GRN: variants seen among roughly 807,000 people sequenced by gnomAD.
The protein encoded by GRN is granulin precursor.
Under a neutral mutation model 66.7 loss-of-function variants are expected in GRN, and 30 were observed. The observed-to-expected ratio is 0.45, with a 90% CI of 0.34 to 0.61. GRN has a LOEUF of 0.61. Ranked by LOEUF, GRN falls within the 20% of genes least tolerant of loss-of-function variation. The pLI, the probability that GRN is intolerant of heterozygous loss-of-function variation, is 0.01. For missense variants in GRN, 731 were observed against 803.5 expected, an observed-to-expected ratio of 0.91 and a Z score of 1.09; for synonymous variants, 327 against 311.1, an observed-to-expected ratio of 1.05 and a Z score of -0.54.
In GRN at chr17:44,352,706, C is replaced by T. The variant is rs200419979; in HGVS notation, c.1690C>T (p.Arg564Cys). ...DRRHCCPAGF[R>C]CAARGTKCLR... is the part of the protein sequence containing the mutation. ...GCGCCACTGCTGTCCTGCTGGCTTC[C>T]GCTGCGCAGCCAGGGGTACCAAGTG... Residue 564 changes from arginine to cysteine, a missense_variant, in exon 13 of 13, where the codon CGC (arginine) becomes TGC (cysteine). Transcript: ENST00000053867. 1.4e-5 allele frequency: 22 copies of T among 1,610,766 alleles called. No individual in the cohort carries two copies. The highest frequency in any genetic ancestry group is 8.9e-5 in the East Asian group (4 of 44,874).
In GRN at chr17:44,351,063, C is replaced by T. The variant is rs1224950272; in HGVS notation, c.735C>T (p.His245=). ...PNATCCSDHL[H]CCPQDTVCDL... ...CCACCTGCTGCTCCGATCACCTGCA[C>T]TGCTGCCCCCAAGACACTGTGTGTG... Residue 245 remains histidine, a synonymous_variant, in exon 8 of 13, where the codon CAC becomes CAT. Coordinates refer to ENST00000053867, the MANE Select transcript of GRN (RefSeq NM_002087.4). 1.9e-6 allele frequency: 3 copies of T among 1,613,910 alleles called. No homozygotes were observed. The highest frequency in any genetic ancestry group is 2.2e-5 in the South Asian group (2 of 91,084).
At chr17:44,349,370 C>T in intron 2 of GRN, 56 bp from the exon 3 acceptor site, 1 of 1,614,036 alleles carries the variant, frequency 6.2e-7, no homozygotes, top group Non-Finnish European at 8.5e-7. Flanking sequence ...CTTGGATTGG[C>T]CAGAGGAGGA....
At chr17:44,349,939 G>C (rs2048356149) in intron 4 of GRN, 188 bp downstream of exon 4, 3 of 642,758 alleles carry the variant, frequency 4.7e-6, no homozygotes, top group Non-Finnish European at 8.4e-6. Flanking sequence ...GCGGGAGAAA[G>C]TGCAAGACTC....
At chr17:44,350,856 C>CA in intron 7 of GRN, 56 bp downstream of exon 7, 1 of 1,460,054 alleles carries the variant, frequency 6.8e-7, no homozygotes, top group Non-Finnish European at 9.6e-7. Context: ...CTGGCCCTGA[C>CA]ACGCACCTTA....
chr17:44,346,146 GCAGA>G (rs963759512), intron 1 of GRN: 2 of 154,022 alleles, frequency 1.3e-5, no homozygotes, highest in African/African-American at 2.4e-5. Flanking sequence ...ACACTCCTGT[GCAGA>G]CAGACTCCCC....
chr17:44,350,426 G>C lies in GRN; in HGVS notation c.463-16G>C. The C allele has an allele frequency of 6.2e-7, 1 of 1,613,808 alleles. No individual in the cohort carries two copies. Among genetic ancestry groups the C allele is most frequent in the Non-Finnish European group, 8.5e-7 (1 of 1,179,930 alleles). Reference sequence around the variant, plus strand: ...GGGCAGGGGGTGAAGACGGAGTCAGGACCATTTTTTCTCAGGCTTCCTGCT... The same window carrying C: ...GGGCAGGGGGTGAAGACGGAGTCAGCACCATTTTTTCTCAGGCTTCCTGCT... On this transcript the variant is annotated splice_polypyrimidine_tract_variant and intron_variant, in intron 5 of 12. Coordinates refer to ENST00000053867, the MANE Select transcript of GRN (RefSeq NM_002087.4).
Position 44,352,524 on chromosome 17 carries a change from T to G in GRN, c.1597T>G (p.Cys533Gly). ...ACACTTCTGCCATGATAACCAGACC[T>G]GCTGCCGAGACAACCGACAGGGCTG... ...EGHFCHDNQT[C>G]CRDNRQGWAC... The change falls in exon 12 of 13, where the codon TGC becomes GGC. Residue 533 changes from cysteine to glycine, a missense_variant. By Grantham distance (159) the Cys-to-Gly change is radical. This residue lies in a region of GRN where 319 missense variants were observed against 347.2 expected (regional missense o/e 0.92). Coordinates refer to ENST00000053867, the MANE Select transcript of GRN (RefSeq NM_002087.4). The G allele has an allele frequency of 6.2e-7, 1 of 1,613,916 alleles. No individual in the cohort carries two copies. The highest frequency in any genetic ancestry group is 8.5e-7 in the Non-Finnish European group (1 of 1,179,996).
Position 44,351,150 on chromosome 17 carries a change from G to A in GRN, c.822G>A (p.Leu274=). 1 of 1,614,142 alleles carries A rather than the reference G, an allele frequency of 6.2e-7. No individual in the cohort carries two copies. The highest frequency in any genetic ancestry group is 8.5e-7 in the Non-Finnish European group (1 of 1,179,998). Residue 274 remains leucine, a synonymous_variant, in exon 8 of 13, where the codon CTG becomes CTA. Coordinates refer to ENST00000053867, the MANE Select transcript of GRN (RefSeq NM_002087.4). ...CTACCACGGACCTCCTCACTAAGCT[G>A]CCTGCGCACACAGGTACCAGAGGCA... The part of the protein sequence containing the change: ...ENATTDLLTK[L]PAHTVGDVKC...
chr17:44,351,896 C>T (rs914146288), intron 10 of GRN, 101 bp downstream of exon 10: 52 of 1,490,538 alleles, frequency 3.5e-5, no homozygotes, highest in Non-Finnish European at 4.1e-5. Context: ...CCAGCTCTGA[C>T]AGATTCGTCC....
chr17:44,349,349 C>A, intron 2 of GRN, 47 bp downstream of exon 2: 1 of 1,614,034 alleles, frequency 6.2e-7, no homozygotes. Context: ...TGGGTTTTCC[C>A]AAAGGGTCAT....
chr17:44,352,666 C>T lies in GRN; in HGVS notation c.1650C>T (p.Val550=), dbSNP rs775108699. The change falls in exon 13 of 13, where the codon GTC becomes GTT. Residue 550 remains valine, a synonymous_variant. Transcript: ENST00000053867. ...GWACCPYRQG[V]CCADRRHCCP... is the part of the protein sequence containing the mutation. ...GCCCCCCTCTGACCATCCAGGGCGT[C>T]TGTTGTGCTGATCGGCGCCACTGCT... The T allele has an allele frequency of 1.9e-6, 3 of 1,610,020 alleles. No homozygotes were observed. The South Asian group carries it at 3.3e-5, about 18-fold the overall frequency.
rs779394553 is a variant in GRN, at chr17:44,352,242, G to T, written c.1407G>T (p.Leu469Phe). The T allele has an allele frequency of 3.1e-6, 5 of 1,609,464 alleles. No homozygotes were observed. The highest frequency in any genetic ancestry group is 4.2e-6 in the Non-Finnish European group (5 of 1,177,860). ...SLGGSWACCQ[L>F]PHAVCCEDRQ... ...GTGGGAGCTGGGCCTGCTGCCAGTT[G>T]CCCCATGTGAGTGCCTCCCTGCCTG... Residue 469 changes from leucine to phenylalanine, a missense_variant, in exon 11 of 13, where the codon TTG (leucine) becomes TTT (phenylalanine). This residue lies in a region of GRN where 319 missense variants were observed against 347.2 expected (regional missense o/e 0.92). Coordinates refer to ENST00000053867, the MANE Select transcript of GRN (RefSeq NM_002087.4).
At position 44,351,042 on chromosome 17, in the gene GRN, C is replaced by G. The variant is rs377103616; in HGVS notation, c.714C>G (p.Thr238=). 1.9e-6 allele frequency: 3 copies of G among 1,613,820 alleles called. No homozygotes were observed. The highest frequency in any genetic ancestry group is 2.2e-5 in the East Asian group (1 of 44,894). The part of the protein sequence containing the change: ...KYGCCPMPNA[T]CCSDHLHCCP... Reference sequence around the variant, plus strand: ...CCACCCCTGTCCCCACTCAGGCCACCTGCTGCTCCGATCACCTGCACTGCT... The same window carrying G: ...CCACCCCTGTCCCCACTCAGGCCACGTGCTGCTCCGATCACCTGCACTGCT... The change falls in exon 8 of 13, where the codon ACC becomes ACG. Residue 238 remains threonine, a synonymous_variant. Coordinates refer to ENST00000053867, the MANE Select transcript of GRN (RefSeq NM_002087.4).
rs771437277 is a variant in GRN at position 44,350,560 on chromosome 17, A to G, written c.581A>G (p.Gln194Arg). 4 of 1,613,926 alleles carry G rather than the reference A, an allele frequency of 2.5e-6. No homozygotes were observed. The South Asian group carries it at 3.3e-5, about 13-fold the overall frequency. ...CCCCTGGCAAAGAAGCTCCCTGCCC[A>G]GAGGACTAACAGGGCAGGTGAGGAG... ...THPLAKKLPA[Q>R]RTNRAVALSS... The change falls in exon 6 of 13, where the codon CAG becomes CGG. Residue 194 changes from glutamine (Q) to arginine (R), a missense_variant. Around this residue, in one of 3 missense-constraint regions of GRN, gnomAD observed 370 missense variants for 379.8 expected, o/e 0.97. Transcript: ENST00000053867.
chr17:44,351,187 CA>C, intron 8 of GRN, 24 bp downstream of exon 8: 1 of 1,614,016 alleles, frequency 6.2e-7, no homozygotes. Flanking sequence ...GGTGCAGATA[CA>C]GGGGTGGGGC....
chr17:44,352,531 G>A lies in GRN; in HGVS notation c.1604G>A (p.Arg535Gln), dbSNP rs753857985. 6.9e-5 allele frequency: 111 copies of A among 1,613,660 alleles called. 1 individual carries two copies. In the Middle Eastern group the frequency reaches 1.2e-3, roughly 17 times the overall value. ...HFCHDNQTCC[R>Q]DNRQGWACCP... Reference sequence around the variant, plus strand: ...TGCCATGATAACCAGACCTGCTGCCGAGACAACCGACAGGGCTGGGCCTGC... The same window carrying A: ...TGCCATGATAACCAGACCTGCTGCCAAGACAACCGACAGGGCTGGGCCTGC... The change falls in exon 12 of 13, where the codon CGA becomes CAA. Residue 535 changes from arginine to glutamine, a missense_variant. Around this residue, in one of 3 missense-constraint regions of GRN, gnomAD observed 319 missense variants for 347.2 expected, o/e 0.92. Transcript: ENST00000053867.
chr17:44,351,283 G>A lies in GRN; in HGVS notation c.836-80G>A, dbSNP rs2048371476. The A allele has an allele frequency of 2.0e-6, 3 of 1,525,378 alleles. No individual in the cohort carries two copies. The African/African-American group carries it at 4.1e-5, about 21-fold the overall frequency. 94.5% of individuals were successfully genotyped at this position (1,525,378 alleles called of 1,614,324 possible). A position where few individuals can be genotyped will look rare whatever the true frequency, so the allele number is the denominator to read the frequency against. ...CCTCCATCTTCAACACCTGGTTCCA[G>A]CTGTGGAGCCGGCAAAGGGTTGATA... On this transcript the variant is annotated intron_variant, in intron 8 of 12. Coordinates refer to ENST00000053867, the MANE Select transcript of GRN (RefSeq NM_002087.4).
Position 44,352,174 on chromosome 17 carries a change from C to T in GRN, c.1339C>T (p.His447Tyr), listed in dbSNP as rs1235463245. 7 of 1,613,666 alleles carry T rather than the reference C, an allele frequency of 4.3e-6. No individual in the cohort carries two copies. The highest frequency in any genetic ancestry group is 5.9e-6 in the Non-Finnish European group (7 of 1,179,984). Reference protein sequence around the residue: ...SHPRDIGCDQHTSCPVGQTCC... With the variant: ...SHPRDIGCDQYTSCPVGQTCC... ...CCCCAGAGACATCGGCTGTGACCAGCACACCAGCTGCCCGGTGGGGCAGAC... is the reference window on the plus strand; with the variant it reads ...CCCCAGAGACATCGGCTGTGACCAGTACACCAGCTGCCCGGTGGGGCAGAC... Residue 447 changes from histidine (H) to tyrosine (Y), a missense_variant, in exon 11 of 13, where the codon CAC becomes TAC. His to Tyr is a moderately conservative substitution (Grantham distance 83, BLOSUM62 2). Transcript: ENST00000053867.
Position 44,351,787 on chromosome 17 carries a change from A to G in GRN, c.1171A>G (p.Ile391Val). 1.9e-6 allele frequency: 3 copies of G among 1,613,126 alleles called. No individual in the cohort carries two copies. Among genetic ancestry groups the G allele is most frequent in the Non-Finnish European group, 2.5e-6 (3 of 1,179,806 alleles). Residue 391 changes from isoleucine to valine, a missense_variant, in exon 10 of 13, where the codon ATC (isoleucine) becomes GTC (valine). Ile to Val is a conservative substitution (Grantham distance 29). Around this residue, in one of 3 missense-constraint regions of GRN, gnomAD observed 319 missense variants for 347.2 expected, o/e 0.92. Transcript: ENST00000053867. ...GTCTGGGGAGTGGGGCTGCTGTCCA[A>G]TCCCAGAGGTATATGGGAGGGGACA... Reference protein sequence around the residue: ...LTSGEWGCCPIPEAVCCSDHQ... With the variant: ...LTSGEWGCCPVPEAVCCSDHQ...
Sources: allele counts gnomAD v4.1 joint callset, GRCh38; gene constraint gnomAD v4.1.1; regional missense constraint gnomAD v4.1.1; transcripts MANE v1.5; gene names NCBI Gene and HGNC (gene_info 2026-07-23, HGNC 2026-07-21).